PTPRT: variants seen among roughly 807,000 people sequenced by gnomAD.
PTPRT encodes the protein receptor-type tyrosine-protein phosphatase T.
In PTPRT, 56 loss-of-function variants were observed where a neutral mutation model predicts 176.8. The observed-to-expected ratio is 0.32, with a 90% CI of 0.26 to 0.40. PTPRT has a LOEUF of 0.40. PTPRT is among the 10% of genes least tolerant of loss of function. The pLI, the probability that PTPRT is intolerant of heterozygous loss-of-function variation, is 1.00. For missense variants in PTPRT, 1,540 were observed against 1,908.2 expected (o/e 0.81, Z 3.60); for synonymous variants, 783 against 739.0 (o/e 1.06, Z -0.96).
At position 42,890,332 on chromosome 20, in the gene PTPRT, T is replaced by C. The variant is rs1464238942; in HGVS notation, c.89-4400A>G. On this transcript the variant is annotated intron_variant, in intron 1 of 30. Transcript: ENST00000373187. ...CCCACATTGAGAAACAGAGTGGCTA[T>C]GAACTCAAGACTACATAACCCAATA... Among the ~76,000 whole-genome samples, 3 of 152,178 alleles carry C rather than the reference T, an allele frequency of 2.0e-5. 1 individual carries two copies. The highest frequency in any genetic ancestry group is 6.5e-5 in the Admixed American group (1 of 15,282).
chr20:42,658,357 T>C (rs1414683744), intron 7 of PTPRT, among the ~76,000 whole-genome samples: 2 of 152,240 alleles, frequency 1.3e-5, no homozygotes, highest in African/African-American at 4.8e-5. Context: ...ACCTATTTTC[T>C]CTGCAAAGCA....
At chr20:42,864,526 T>C (rs1298780791) in intron 2 of PTPRT, among the ~76,000 whole-genome samples, 3 of 152,220 alleles carry the variant, frequency 2.0e-5, no homozygotes, top group African/African-American at 7.2e-5. Context: ...TTCTGTGTGT[T>C]CTCAAATGTT....
rs1450177197 is a variant in PTPRT at position 42,315,179 on chromosome 20, C to A, written c.2139+544G>T. On this transcript the variant is annotated intron_variant, in intron 12 of 30. Transcript: ENST00000373187. Reference sequence around the variant, plus strand: ...CGGCCTGGGCGACAGAGCGAGGCTCCGTCTCAAAAAAAAAAAAAAAAAAAA... The same window carrying A: ...CGGCCTGGGCGACAGAGCGAGGCTCAGTCTCAAAAAAAAAAAAAAAAAAAA... 1.0e-4 allele frequency among the ~76,000 whole-genome samples: 5 copies of A among 48,620 alleles called. No homozygotes were observed. The East Asian group carries it at 1.5e-3, about 14-fold the overall frequency. 31.9% of individuals were successfully genotyped at this position (48,620 alleles called of 152,430 possible). A position where few individuals can be genotyped will look rare whatever the true frequency, so the allele number is the denominator to read the frequency against.
At chr20:42,207,974 T>C (rs1190185586) in intron 15 of PTPRT, among the ~76,000 whole-genome samples, 1 of 53,232 alleles carries the variant, frequency 1.9e-5, no homozygotes, top group Non-Finnish European at 3.7e-5. Context: ...CAGAAGAGAG[T>C]GGGGGCCAAT....
At chr20:42,421,511 A>G (rs1250727795) in intron 9 of PTPRT, among the ~76,000 whole-genome samples, 2 of 152,108 alleles carry the variant, frequency 1.3e-5, no homozygotes, top group Non-Finnish European at 2.9e-5. Context: ...TTTCAGGGAC[A>G]TGTGGAGGTA....
At chr20:42,456,762 C>T (rs956113895) in intron 8 of PTPRT, among the ~76,000 whole-genome samples, 3 of 152,048 alleles carry the variant, frequency 2.0e-5, no homozygotes, top group Admixed American at 6.6e-5. Context: ...TATTTGCATA[C>T]ATTTTTTTCT....
At chr20:42,386,969 C>G (rs574121334) in intron 9 of PTPRT, among the ~76,000 whole-genome samples, 2 of 152,112 alleles carry the variant, frequency 1.3e-5, no homozygotes, top group African/African-American at 4.8e-5. Context: ...CAAATGTGAC[C>G]CATAATTGTC....
At chr20:42,135,401 T>C (rs549185950) in intron 18 of PTPRT, among the ~76,000 whole-genome samples, 40 of 152,376 alleles carry the variant, frequency 2.6e-4, no homozygotes, top group Middle Eastern at 3.4e-3. Flanking sequence ...ACCTGGGAAC[T>C]TGTTTGAAAT....
In PTPRT at chr20:42,746,624, T is replaced by TG. The variant is rs544334275; in HGVS notation, c.859+9837dup. 1.3e-4 allele frequency among the ~76,000 whole-genome samples: 16 copies of TG among 125,510 alleles called. No homozygotes were observed. The South Asian group carries it at 2.0e-3, about 16-fold the overall frequency. The allele number at this position is 125,510 out of a possible 152,430, so 82.3% of individuals were successfully genotyped here. A position where few individuals can be genotyped will look rare whatever the true frequency, so the allele number is the denominator to read the frequency against. On this transcript the variant is annotated intron_variant, in intron 6 of 30. Transcript: ENST00000373187. ...TATGTGTTCTTGACAATAGCAGTCA[T>TG]GGGAAAAAAAATGATGCAAGTATTA... is the stretch of plus-strand genomic sequence containing the variant.
chr20:43,083,343 T>TATATATATACATATATAC (rs2011503930), intron 1 of PTPRT, among the ~76,000 whole-genome samples: 1 of 115,324 alleles, frequency 8.7e-6, no homozygotes, highest in African/African-American at 3.2e-5. Context: ...TATATATATA[T>TATATATATACATATATAC]ATATATATAT....
At chr20:42,064,961 T>C in the PTPRT span, among the ~76,000 whole-genome samples, 1 of 152,238 alleles carries the variant, frequency 6.6e-6, no homozygotes, top group Admixed American at 6.5e-5. Context: ...ATATGGGCTA[T>C]GTAATTAGTC....
chr20:42,656,418 A>G (rs2075126491), intron 7 of PTPRT, among the ~76,000 whole-genome samples: 1 of 152,202 alleles, frequency 6.6e-6, no homozygotes. Context: ...GTGATAAGAA[A>G]TAAAAGCCAT....
chr20:42,315,793 TAG>T lies in PTPRT; in HGVS notation c.2067_2068del (p.Tyr690LeufsTer43). 6.2e-7 allele frequency: 1 copy of T among 1,614,126 alleles called. No individual in the cohort carries two copies. The highest frequency in any genetic ancestry group is 8.5e-7 in the Non-Finnish European group (1 of 1,179,976). ...CAGGGGAGAGAGAGGAGGGTTCCAG[TAG>T]CCATTGTATGTCTTATTGTCACCCA... On this transcript the variant is annotated frameshift_variant, in exon 12 of 31. Transcript: ENST00000373187. LOFTEE classifies it high-confidence loss of function.
intron 1 of PTPRT, among the ~76,000 whole-genome samples, chr20:42,905,819 A>G (rs1240986642): frequency 6.6e-6 from 1 of 152,036 alleles, no homozygotes; most frequent in Non-Finnish European, 1.5e-5. Context: ...ACACAGGAAC[A>G]GAAAACCAAA....
At position 43,121,349 on chromosome 20, in the gene PTPRT, C is replaced by A. The variant is rs542911272; in HGVS notation, c.88+68297G>T. Among the ~76,000 whole-genome samples, 4 of 152,312 alleles carry A rather than the reference C, an allele frequency of 2.6e-5. No homozygotes were observed. The South Asian group carries it at 6.2e-4, about 24-fold the overall frequency. ...CATGAGTAAATATGTTTACCCACTTCGGCTAGCTATACCTCTAAGAATGAG... is the reference window on the plus strand; with the variant it reads ...CATGAGTAAATATGTTTACCCACTTAGGCTAGCTATACCTCTAAGAATGAG... On this transcript the variant is annotated intron_variant, in intron 1 of 30. Transcript: ENST00000373187.
chr20:42,898,335 A>C (rs1282190651), intron 1 of PTPRT, among the ~76,000 whole-genome samples: 2 of 152,124 alleles, frequency 1.3e-5, no homozygotes, highest in East Asian at 3.9e-4. Context: ...CAGCCTCCCA[A>C]GTAGCTAGGA....
intron 1 of PTPRT, among the ~76,000 whole-genome samples, chr20:43,081,736 T>C (rs981843940): frequency 5.3e-5 from 8 of 152,200 alleles, no homozygotes; most frequent in Non-Finnish European, 1.2e-4. Flanking sequence ...GAAAATACCA[T>C]GTGTGCCCCA....
chr20:42,840,084 G>C (rs183244098), intron 2 of PTPRT, among the ~76,000 whole-genome samples: 1 of 152,272 alleles, frequency 6.6e-6, no homozygotes, highest in Admixed American at 6.5e-5. Context: ...TGAAAGCATG[G>C]TGTTGGCAGG....
chr20:42,959,525 T>G (rs1005592436), intron 1 of PTPRT, among the ~76,000 whole-genome samples: 3 of 152,146 alleles, frequency 2.0e-5, no homozygotes, highest in African/African-American at 7.2e-5. Flanking sequence ...ATTATCCCCA[T>G]TTTATAGATG....
Sources: allele counts gnomAD v4.1 joint callset (sites outside exome capture counted in the v4.1 genomes callset), GRCh38; gene constraint gnomAD v4.1.1; transcripts MANE v1.5; gene names NCBI Gene and HGNC (gene_info 2026-07-23, HGNC 2026-07-21).